The following SCN9A variants were observed in gnomAD, a reference collection of about 807,000 sequenced individuals.
The protein encoded by SCN9A is sodium channel protein type 9 subunit alpha.
SCN9A carries 131 observed loss-of-function variants against 187.0 expected under a neutral mutation model. The observed-to-expected ratio is 0.70, with a 90% confidence interval of 0.61 to 0.81. SCN9A has a LOEUF of 0.81. SCN9A is among the 30% of genes least tolerant of loss of function. The pLI, the probability that SCN9A is intolerant of heterozygous loss-of-function variation, is 0.00. For missense variants in SCN9A, 2,252 were observed against 2,396.6 expected, an observed-to-expected ratio of 0.94 and a Z score of 1.26; for synonymous variants, 809 against 808.6, an observed-to-expected ratio of 1.00 and a Z score of -0.01.
At chr2:166,214,775 A>C (rs962088397) in intron 24 of SCN9A, among the ~76,000 whole-genome samples, 4 of 151,430 alleles carry the variant, frequency 2.6e-5, no homozygotes, top group Non-Finnish European at 4.4e-5. Context: ...CGGCCTCCCA[A>C]AGTGCTGGGA....
At chr2:166,281,835 A>C (rs554629897) in intron 12 of SCN9A, 27 bp from the exon 13 acceptor site, 95 of 1,592,516 alleles carry the variant, frequency 6.0e-5, no homozygotes, top group Non-Finnish European at 8.0e-5. Flanking sequence ...TTAATGTCTT[A>C]AGAACAGAAT....
intron 1 of SCN9A, among the ~76,000 whole-genome samples, chr2:166,341,560 T>A (rs1394067548): frequency 6.6e-6 from 1 of 152,182 alleles, no homozygotes; most frequent in South Asian, 2.1e-4. Context: ...TGCCTAAATA[T>A]GTACATGGGT....
At position 166,199,452 on chromosome 2, in the gene SCN9A, G is replaced by C. The variant is rs202208945; in HGVS notation, c.5187C>G (p.Asp1729Glu). 2.6e-5 allele frequency: 42 copies of C among 1,614,056 alleles called. No individual in the cohort carries two copies. The highest frequency in any genetic ancestry group is 8.5e-7 in the Non-Finnish European group (1 of 1,180,032). ...ATATTCCAACAGATGGGTTACCACA[G>C]TCTCCTTCAACTGAACTTCCAGGAT... Reference protein sequence around the residue: ...KVHPGSSVEGDCGNPSVGIFY... With the variant: ...KVHPGSSVEGECGNPSVGIFY... The change falls in exon 27 of 27, where the codon GAC becomes GAG. Residue 1729 changes from aspartate to glutamate, a missense_variant. By Grantham distance (45) the Asp-to-Glu change is conservative. Around this residue, in one of 7 missense-constraint regions of SCN9A, gnomAD observed 345 missense variants for 344.6 expected, o/e 1.00. Coordinates refer to ENST00000642356, the MANE Select transcript of SCN9A (RefSeq NM_001365536.1).
At chr2:166,341,069 G>T (rs1699773590) in intron 1 of SCN9A, among the ~76,000 whole-genome samples, 1 of 152,016 alleles carries the variant, frequency 6.6e-6, no homozygotes, top group Non-Finnish European at 1.5e-5. Context: ...ATTTCCTTTG[G>T]AAATATCTCT....
chr2:166,374,955 C>G (rs539081952), intron 1 of SCN9A, among the ~76,000 whole-genome samples: 1 of 151,822 alleles, frequency 6.6e-6, no homozygotes, highest in South Asian at 2.1e-4. Flanking sequence ...GAAATGTTTA[C>G]TATAATCACA....
intron 18 of SCN9A, among the ~76,000 whole-genome samples, chr2:166,247,924 A>G (rs2106419161): frequency 6.6e-6 from 1 of 152,252 alleles, no homozygotes; most frequent in Middle Eastern, 3.4e-3. Context: ...AGGGCAAGAT[A>G]TACGGAAGCA....
intron 21 of SCN9A, among the ~76,000 whole-genome samples, chr2:166,230,164 G>C (rs1042447647): frequency 6.6e-6 from 1 of 152,092 alleles, no homozygotes; most frequent in Non-Finnish European, 1.5e-5. Context: ...AAACAAACTG[G>C]TATGGCTGTG....
In SCN9A at chr2:166,358,509, G is replaced by C. The variant is rs1033502725; in HGVS notation, c.-51+17188C>G. 2.6e-5 allele frequency among the ~76,000 whole-genome samples: 4 copies of C among 151,900 alleles called. No homozygotes were observed. In the East Asian group the frequency reaches 7.7e-4, roughly 29 times the overall value. Reference sequence around the variant, plus strand: ...TGTAGTCTTGTCCACTTTTTTAATAGACTATCAGTGTTTTATTAATTTAGG... The same window carrying C: ...TGTAGTCTTGTCCACTTTTTTAATACACTATCAGTGTTTTATTAATTTAGG... On this transcript the variant is annotated intron_variant, in intron 1 of 26. Transcript: ENST00000642356.
intron 1 of SCN9A, 24 bp from the exon 2 acceptor site, chr2:166,311,830 G>T: frequency 1.4e-6 from 2 of 1,411,536 alleles, no homozygotes; most frequent in Admixed American, 4.7e-5. Context: ...AAGAAATAAA[G>T]ACTTAACTAT....
Position 166,272,596 on chromosome 2 carries a change from A to T in SCN9A, c.3154T>A (p.Phe1052Ile), listed in dbSNP as rs759773026. The change falls in exon 17 of 27, where the codon TTC becomes ATC. Residue 1052 changes from phenylalanine to isoleucine, a missense_variant. This residue lies in a region of SCN9A where 313 missense variants were observed against 295.3 expected (regional missense o/e 1.06). Coordinates refer to ENST00000642356, the MANE Select transcript of SCN9A (RefSeq NM_001365536.1). ...CTGATTTTATCTTTTTCCTTGAGGA[A>T]ATTGTGACCTTTGCTCATTTCAGCA... is the stretch of plus-strand genomic sequence containing the variant. ...TLAEMSKGHN[F>I]LKEKDKISGF... 15 of 1,613,422 alleles carry T rather than the reference A, an allele frequency of 9.3e-6. No homozygotes were observed. The highest frequency in any genetic ancestry group is 1.3e-5 in the Non-Finnish European group (15 of 1,179,726).
intron 11 of SCN9A, 94 bp from the exon 12 acceptor site, chr2:166,284,918 A>C (rs1697670986): frequency 7.5e-7 from 1 of 1,335,058 alleles, no homozygotes; most frequent in Non-Finnish European, 1.0e-6. Context: ...GCCTGAGGGC[A>C]GGTGGCTCTG....
chr2:166,203,146 A>AT (rs1693624675), intron 26 of SCN9A, among the ~76,000 whole-genome samples: 1 of 151,780 alleles, frequency 6.6e-6, no homozygotes, highest in Admixed American at 6.6e-5. Flanking sequence ...AAAATTATTG[A>AT]TTTTAAATGC....
In SCN9A at chr2:166,251,792, C is replaced by A. The variant is rs199859971; in HGVS notation, c.3445G>T (p.Asp1149Tyr). 5 of 1,612,626 alleles carry A rather than the reference C, an allele frequency of 3.1e-6. No individual in the cohort carries two copies. The highest frequency in any genetic ancestry group is 3.4e-6 in the Non-Finnish European group (4 of 1,179,066). Residue 1149 changes from aspartate (D) to tyrosine (Y), a missense_variant, in exon 18 of 27, where the codon GAT becomes TAT. Asp to Tyr is a radical substitution (Grantham distance 160). This residue lies in a region of SCN9A where 313 missense variants were observed against 295.3 expected (regional missense o/e 1.06). Transcript: ENST00000642356. ...EEAEAEPMNS[D>Y]EPEACFTDGC... The stretch of plus-strand genomic sequence containing the variant: ...TCTGTGAAACAGGCCTCTGGCTCAT[C>A]GGAATTCATAGGTTCAGCCTCTGCT...
intron 18 of SCN9A, among the ~76,000 whole-genome samples, chr2:166,246,039 T>A (rs1695774130): frequency 1.3e-5 from 2 of 152,000 alleles, no homozygotes; most frequent in African/African-American, 2.4e-5. Context: ...TCTCCCCCTA[T>A]GTCTCTGGTG....
At position 166,228,906 on chromosome 2, in the gene SCN9A, A is replaced by C; in HGVS notation, c.3991T>G (p.Phe1331Val). The part of the protein sequence containing the change: ...IMNVLLVCLI[F>V]WLIFSIMGVN... ...CCCATGATGCTGAATATCAGCCAGA[A>C]TATAAGACACACAAGTAGCACATTC... Residue 1331 changes from phenylalanine (F) to valine (V), a missense_variant, in exon 22 of 27, where the codon TTC becomes GTC. Phe to Val is a conservative substitution (Grantham distance 50). Coordinates refer to ENST00000642356, the MANE Select transcript of SCN9A (RefSeq NM_001365536.1). 2 of 1,613,780 alleles carry C rather than the reference A, an allele frequency of 1.2e-6. No individual in the cohort carries two copies. Among genetic ancestry groups the C allele is most frequent in the South Asian group, 2.2e-5 (2 of 91,088 alleles).
In SCN9A at chr2:166,233,455, A is replaced by G. The variant is rs913009396; in HGVS notation, c.3809T>C (p.Leu1270Ser). 1.3e-6 allele frequency: 2 copies of G among 1,566,976 alleles called. No homozygotes were observed. Among genetic ancestry groups the G allele is most frequent in the Admixed American group, 2.2e-5 (1 of 46,352 alleles). ...AAGAGTGTTTGCCACTAAAGTAACC[A>G]AAGAAACCTATAAAAATAACATTTT... Reference protein sequence around the residue: ...WLDFLIVDVSLVTLVANTLGY... With the variant: ...WLDFLIVDVSSVTLVANTLGY... The change falls in exon 21 of 27, where the codon TTG becomes TCG. Residue 1270 changes from leucine (L) to serine (S), a missense_variant. Transcript: ENST00000642356.
intron 6 of SCN9A, 116 bp from the exon 7 acceptor site, chr2:166,303,418 T>G (rs1291047790): frequency 8.9e-6 from 7 of 788,610 alleles, no homozygotes; most frequent in Non-Finnish European, 1.4e-5. Context: ...TTAAGTAACC[T>G]AATTCAAAAA....
At chr2:166,303,423 CA>C in intron 6 of SCN9A, 121 bp from the exon 7 acceptor site, 5 of 738,350 alleles carry the variant, frequency 6.8e-6, no homozygotes, top group Admixed American at 3.2e-5. Flanking sequence ...TAACCTAATT[CA>C]AAAAAAGCCT....
chr2:166,362,161 A>T (rs1700301485), intron 1 of SCN9A, among the ~76,000 whole-genome samples: 1 of 152,062 alleles, frequency 6.6e-6, no homozygotes, highest in African/African-American at 2.4e-5. Context: ...AGTCTAAAGG[A>T]ACAGTTTATT....
Sources: gnomAD v4.1 joint callset for allele counts (sites outside exome capture counted in the v4.1 genomes callset) on GRCh38, gnomAD v4.1.1 for gene constraint, gnomAD v4.1.1 regional missense constraint, MANE v1.5 for transcripts, NCBI Gene and HGNC (gene_info 2026-07-23, HGNC 2026-07-21) for gene names.